Variants in DHX35 observed in about 807,000 individuals in gnomAD.
DHX35 encodes probable ATP-dependent RNA helicase DHX35.
In DHX35, 84 loss-of-function variants were observed where a neutral mutation model predicts 99.6. The observed-to-expected ratio is 0.84, with a 90% CI of 0.71 to 1.01. DHX35 has a LOEUF of 1.01. Among genes scored for constraint, DHX35 ranks in the 50% least tolerant of loss-of-function variants. DHX35 has a pLI of 0.00. For missense variants in DHX35, 852 were observed against 888.5 expected (o/e 0.96, Z 0.52); for synonymous variants, 331 against 316.2 (o/e 1.05, Z -0.50).
intron 13 of DHX35, 27 bp from the exon 14 acceptor site, chr20:39,014,853 T>G (rs369540654): frequency 2.3e-5 from 37 of 1,613,912 alleles, no homozygotes; most frequent in Middle Eastern, 1.6e-4. Context: ...ATAAATTGAT[T>G]CAGGAAGATT....
chr20:38,998,255 TC>T (rs2086461637), intron 8 of DHX35, among the ~76,000 whole-genome samples: 1 of 152,236 alleles, frequency 6.6e-6, no homozygotes, highest in Admixed American at 6.5e-5. Flanking sequence ...TGCTGGTAGC[TC>T]CCATAGTTTT....
At chr20:38,980,939 A>G (rs1330470290) in intron 3 of DHX35, among the ~76,000 whole-genome samples, 1 of 152,240 alleles carries the variant, frequency 6.6e-6, no homozygotes, top group Non-Finnish European at 1.5e-5. Flanking sequence ...TTGACACTTT[A>G]AAAGACTAAT....
chr20:39,001,987 C>T, intron 9 of DHX35, 145 bp downstream of exon 9: 1 of 740,186 alleles, frequency 1.4e-6, no homozygotes, highest in Non-Finnish European at 2.3e-6. Context: ...AATGTTCTTA[C>T]CCTGCTCCGG....
chr20:38,978,398 T>C (rs1192100539), intron 3 of DHX35: 2 of 680,532 alleles, frequency 2.9e-6, no homozygotes, highest in Admixed American at 1.9e-5. Flanking sequence ...ACAGGGCTCA[T>C]GTCCGTGTCC....
intron 15 of DHX35, among the ~76,000 whole-genome samples, chr20:39,020,179 G>A (rs1012562751): frequency 6.6e-6 from 1 of 152,152 alleles, no homozygotes; most frequent in Non-Finnish European, 1.5e-5. Context: ...CTTCCAAATT[G>A]TGGCTGTTGT....
intron 15 of DHX35, among the ~76,000 whole-genome samples, chr20:39,020,910 G>C (rs574604564): frequency 6.6e-6 from 1 of 152,078 alleles, no homozygotes; most frequent in African/African-American, 2.4e-5. Flanking sequence ...TCATCTGCCC[G>C]CCTTGGCCTC....
intron 18 of DHX35, among the ~76,000 whole-genome samples, chr20:39,026,868 C>T (rs1419225499): frequency 5.9e-5 from 9 of 152,156 alleles, no homozygotes; most frequent in African/African-American, 1.4e-4. Context: ...GCTCGTCAAA[C>T]GCCTGTCACC....
At chr20:38,972,004 GTTTTTTTTT>G (rs752049458) in intron 2 of DHX35, among the ~76,000 whole-genome samples, 9 of 81,044 alleles carry the variant, frequency 1.1e-4, no homozygotes, top group Non-Finnish European at 2.1e-4. Context: ...GTTTTGTTTT[GTTTTTTTTT>G]TTTTTTTTTT....
At chr20:39,017,218 G>T (rs1037322440) in intron 14 of DHX35, among the ~76,000 whole-genome samples, 26 of 152,076 alleles carry the variant, frequency 1.7e-4, no homozygotes, top group Admixed American at 6.6e-5. Flanking sequence ...TGAGGTAGGG[G>T]TCCATCTTCA....
At chr20:38,995,113 C>T (rs1366209590) in intron 8 of DHX35, among the ~76,000 whole-genome samples, 1 of 152,216 alleles carries the variant, frequency 6.6e-6, no homozygotes, top group Non-Finnish European at 1.5e-5. Flanking sequence ...TATCTACATA[C>T]TGTCTTTCTC....
intron 5 of DHX35, among the ~76,000 whole-genome samples, chr20:38,991,000 T>C (rs2086329279): frequency 6.6e-6 from 1 of 152,192 alleles, no homozygotes; most frequent in Non-Finnish European, 1.5e-5. Context: ...TGCTTAACCA[T>C]GATCCTATCT....
chr20:39,010,458 G>A, intron 13 of DHX35, 54 bp downstream of exon 13: 1 of 1,605,004 alleles, frequency 6.2e-7, no homozygotes, highest in African/African-American at 1.3e-5. Flanking sequence ...CTCACAGGGG[G>A]ATGTCAGGAC....
intron 8 of DHX35, among the ~76,000 whole-genome samples, chr20:38,999,602 C>G (rs1310502324): frequency 2.0e-5 from 3 of 152,250 alleles, no homozygotes; most frequent in Admixed American, 1.3e-4. Context: ...AAGAGTCACT[C>G]TAGCCTTCTT....
chr20:38,981,570 C>G (rs1048812635), intron 3 of DHX35, among the ~76,000 whole-genome samples: 1 of 152,170 alleles, frequency 6.6e-6, no homozygotes, highest in South Asian at 2.1e-4. Flanking sequence ...CTTTCTAGTA[C>G]TACAAGATGT....
intron 3 of DHX35, 149 bp from the exon 4 acceptor site, chr20:38,983,550 A>G (rs1419373857): frequency 3.4e-6 from 2 of 581,582 alleles, no homozygotes; most frequent in Non-Finnish European, 6.1e-6. Flanking sequence ...CAGATCCTCC[A>G]TCTGTAAAAT....
chr20:39,016,362 A>G (rs1045001340), intron 14 of DHX35, among the ~76,000 whole-genome samples: 1 of 152,160 alleles, frequency 6.6e-6, no homozygotes, highest in Non-Finnish European at 1.5e-5. Flanking sequence ...TTGGGGATCA[A>G]ATTTCAACAT....
intron 15 of DHX35, among the ~76,000 whole-genome samples, chr20:39,019,258 A>G (rs1008118462): frequency 3.3e-5 from 5 of 152,200 alleles, no homozygotes; most frequent in African/African-American, 1.2e-4. Context: ...CAGAAGTGCA[A>G]TCACACAGTA....
intron 14 of DHX35, among the ~76,000 whole-genome samples, chr20:39,018,197 C>T (rs539316700): frequency 6.6e-6 from 1 of 152,252 alleles, no homozygotes; most frequent in South Asian, 2.1e-4. Context: ...CCATATCACT[C>T]ATTTAGTATG....
At chr20:38,977,007 G>T (rs1009552311) in intron 3 of DHX35, among the ~76,000 whole-genome samples, 2 of 152,128 alleles carry the variant, frequency 1.3e-5, no homozygotes, top group African/African-American at 4.8e-5. Context: ...TTCATCTGTT[G>T]TTGGACACCT....
Sources: allele counts gnomAD v4.1 joint callset (sites outside exome capture counted in the v4.1 genomes callset), GRCh38; gene constraint gnomAD v4.1.1; transcripts MANE v1.5; gene names NCBI Gene and HGNC (gene_info 2026-07-23, HGNC 2026-07-21).